BIRC6: variants seen among roughly 807,000 people sequenced by gnomAD.
BIRC6 encodes dual E2 ubiquitin-conjugating enzyme/E3 ubiquitin-protein ligase BIRC6.
BIRC6 carries 98 observed loss-of-function variants against 503.3 expected under a neutral mutation model. That is an observed-to-expected ratio of 0.19 (90% confidence interval 0.17 to 0.23). The LOEUF (loss-of-function observed/expected upper bound fraction) is 0.23. Among genes scored for constraint, BIRC6 ranks in the 10% least tolerant of loss-of-function variants. The probability of loss-of-function intolerance (pLI) is 1.00; values close to 1 mark genes in which losing one functional copy is unlikely to be tolerated. For missense variants in BIRC6, 5,360 were observed against 5,806.0 expected, an observed-to-expected ratio of 0.92 and a Z score of 2.50; for synonymous variants, 2,240 against 2,078.7, an observed-to-expected ratio of 1.08 and a Z score of -2.11.
intron 24 of BIRC6, among the ~76,000 whole-genome samples, chr2:32,464,079 C>T (rs887607581): frequency 1.3e-5 from 2 of 152,154 alleles, no homozygotes; most frequent in East Asian, 1.9e-4. Context: ...TCCCCGCATC[C>T]GTGGCAAAAG....
chr2:32,396,009 T>G (rs1424869296), intron 6 of BIRC6, among the ~76,000 whole-genome samples: 1 of 152,218 alleles, frequency 6.6e-6, no homozygotes, highest in Non-Finnish European at 1.5e-5. Flanking sequence ...TTTTAGTGCA[T>G]GAAATTTTAG....
chr2:32,535,150 CAAA>C (rs1158856665), intron 61 of BIRC6, among the ~76,000 whole-genome samples: 6 of 7,268 alleles, frequency 8.3e-4, no homozygotes, highest in African/African-American at 1.3e-3. Context: ...CCCAAAAAAG[CAAA>C]AAAAAAAAAA....
At chr2:32,520,671 G>T (rs78044324) in intron 57 of BIRC6, among the ~76,000 whole-genome samples, 1 of 152,144 alleles carries the variant, frequency 6.6e-6, no homozygotes, top group Non-Finnish European at 1.5e-5. Flanking sequence ...ACAAAAATTA[G>T]TTGGGTATGA....
chr2:32,609,285 C>CTGTG (rs58379253), intron 72 of BIRC6, among the ~76,000 whole-genome samples: 8,300 of 147,598 alleles, frequency 0.056, 347 homozygotes, highest in Admixed American at 0.13. Context: ...AAGTGTGGCT[C>CTGTG]TGTGTGTGTG....
At chr2:32,586,065 A>C (rs1384049246) in intron 66 of BIRC6, among the ~76,000 whole-genome samples, 1 of 152,184 alleles carries the variant, frequency 6.6e-6, no homozygotes, top group Non-Finnish European at 1.5e-5. Flanking sequence ...TGATGAAGAA[A>C]GATAGTTTGA....
At chr2:32,460,022 C>G (rs1275570176) in intron 23 of BIRC6, among the ~76,000 whole-genome samples, 1 of 148,968 alleles carries the variant, frequency 6.7e-6, no homozygotes, top group Admixed American at 6.7e-5. Context: ...TTACTTTTTT[C>G]TTTCTCATCA....
intron 8 of BIRC6, 115 bp from the exon 9 acceptor site, chr2:32,406,384 C>T (rs1353836500): frequency 5.7e-6 from 4 of 702,788 alleles, no homozygotes; most frequent in Non-Finnish European, 9.8e-6. Context: ...GGATGACAGA[C>T]TGAGACCCTG....
At chr2:32,455,639 AAATT>A in intron 23 of BIRC6, among the ~76,000 whole-genome samples, 1 of 152,282 alleles carries the variant, frequency 6.6e-6, no homozygotes, top group South Asian at 2.1e-4. Flanking sequence ...AAAGAAAAAG[AAATT>A]AAGTATCCTG....
rs56277399 is a variant in BIRC6 at position 32,438,190 on chromosome 2, A to C, written c.3632-1318A>C. 4.7e-3 allele frequency among the ~76,000 whole-genome samples: 718 copies of C among 152,322 alleles called. 7 individuals carry two copies. The highest frequency in any genetic ancestry group is 0.017 in the African/African-American group (700 of 41,572). ...ATATACTAAGATATTTTTTTCCATA[A>C]AATTCTCCCCAGCATCTTTGAAACT... On this transcript the variant is annotated intron_variant, in intron 15 of 73. Coordinates refer to ENST00000421745, the MANE Select transcript of BIRC6 (RefSeq NM_016252.4).
chr2:32,374,613 C>T (rs1258582674), intron 1 of BIRC6, among the ~76,000 whole-genome samples: 1 of 151,920 alleles, frequency 6.6e-6, no homozygotes. Flanking sequence ...GCTGGGACTA[C>T]AGGCGCCCGC....
intron 41 of BIRC6, 35 bp downstream of exon 41, chr2:32,487,836 A>T: frequency 6.5e-7 from 1 of 1,545,308 alleles, no homozygotes; most frequent in East Asian, 2.3e-5. Flanking sequence ...ATTTTTACAT[A>T]TTATTGTTAG....
chr2:32,380,036 A>G (rs1336712987), intron 2 of BIRC6, 117 bp from the exon 3 acceptor site: 3 of 666,626 alleles, frequency 4.5e-6, no homozygotes, highest in Non-Finnish European at 7.1e-6. Flanking sequence ...TAAGTTTAGT[A>G]TAGTACCTGT....
rs1274939779 is a variant in BIRC6, at chr2:32,357,263, G to T, written c.102G>T (p.Ala34=). 1 of 1,521,446 alleles carries T rather than the reference G, an allele frequency of 6.6e-7. No homozygotes were observed. The highest frequency in any genetic ancestry group is 8.8e-7 in the Non-Finnish European group (1 of 1,138,154). The allele number at this position is 1,521,446 out of a possible 1,614,324, so 94.2% of individuals were successfully genotyped here. The change falls in exon 1 of 74, where the codon GCG becomes GCT. Residue 34 remains alanine, a synonymous_variant. Coordinates refer to ENST00000421745, the MANE Select transcript of BIRC6 (RefSeq NM_016252.4). The surrounding 1 kb of genome is among the most constrained non-coding windows in gnomAD (Gnocchi z 4.9). ...GCCGGAAGATGGCGGCTGCGGCTGC[G>T]GCGGCCTCGGGCCCCGGCTGCTCCT... ...SAGRKMAAAA[A]AASGPGCSSA...
At chr2:32,561,913 GC>G (rs988337885) in intron 65 of BIRC6, among the ~76,000 whole-genome samples, 2 of 151,676 alleles carry the variant, frequency 1.3e-5, no homozygotes, top group Admixed American at 1.3e-4. Context: ...GTGGTGGTGG[GC>G]CCCTGTAATC....
Position 32,501,492 on chromosome 2 carries a change from C to G in BIRC6, c.9032-221C>G, listed in dbSNP as rs946205443. Among the ~76,000 whole-genome samples, 4 of 152,064 alleles carry G rather than the reference C, an allele frequency of 2.6e-5. No individual in the cohort carries two copies. In the East Asian group the frequency reaches 7.7e-4, roughly 29 times the overall value. ...GGTTATGTGTAGAGGGTTTAGACAG[C>G]TATTATATATTCATTCTTCAGCAGT... On this transcript the variant is annotated intron_variant, in intron 46 of 73. Coordinates refer to ENST00000421745, the MANE Select transcript of BIRC6 (RefSeq NM_016252.4).
At chr2:32,423,071 C>T (rs1203735960) in intron 10 of BIRC6, among the ~76,000 whole-genome samples, 4 of 152,094 alleles carry the variant, frequency 2.6e-5, no homozygotes, top group African/African-American at 7.2e-5. Flanking sequence ...CCAAGGTTAG[C>T]TGGGATTACA....
At chr2:32,516,607 G>A (rs1232495033) in intron 55 of BIRC6, among the ~76,000 whole-genome samples, 14 of 129,214 alleles carry the variant, frequency 1.1e-4, no homozygotes, top group Admixed American at 4.6e-4. Context: ...AAAAAAAAAA[G>A]TGGAAGATAA....
rs1348925397 is a variant in BIRC6 at position 32,377,705 on chromosome 2, C to G, written c.443C>G (p.Thr148Ser). 1 of 1,613,766 alleles carries G rather than the reference C, an allele frequency of 6.2e-7. No individual in the cohort carries two copies. The highest frequency in any genetic ancestry group is 8.5e-7 in the Non-Finnish European group (1 of 1,179,810). ...KDLNGILLLD[T>S]ALQTPVSKQD... Reference sequence around the variant, plus strand: ...CTTAATGGAATCTTGTTGTTAGACACTGCTCTGCAAACTCCAGTTTCAAAG... The same window carrying G: ...CTTAATGGAATCTTGTTGTTAGACAGTGCTCTGCAAACTCCAGTTTCAAAG... The change falls in exon 2 of 74, where the codon ACT (threonine) becomes AGT (serine). Residue 148 changes from threonine (T) to serine (S), a missense_variant. By Grantham distance (58) the Thr-to-Ser change is moderately conservative (BLOSUM62 1). Around this residue, in one of 16 missense-constraint regions of BIRC6, gnomAD observed 134 missense variants for 150.9 expected, o/e 0.89. Transcript: ENST00000421745.
At chr2:32,499,523 G>C (rs1558898039) in intron 45 of BIRC6, 24 bp from the exon 46 acceptor site, 5 of 1,378,342 alleles carry the variant, frequency 3.6e-6, no homozygotes, top group South Asian at 1.4e-5. Context: ...CTCTTTTTCT[G>C]TCTCTCTCTC....
Sources: allele counts gnomAD v4.1 joint callset (sites outside exome capture counted in the v4.1 genomes callset), GRCh38; gene constraint gnomAD v4.1.1; regional missense constraint gnomAD v4.1.1; non-coding constraint Gnocchi (gnomAD v3.1); transcripts MANE v1.5; gene names NCBI Gene and HGNC (gene_info 2026-07-23, HGNC 2026-07-21).